Variants in ARRDC3 observed in about 807,000 individuals in gnomAD.
The protein encoded by ARRDC3 is arrestin domain containing 3.
In ARRDC3, 10 loss-of-function variants were observed where a neutral mutation model predicts 47.2. The observed-to-expected ratio is 0.21, with a 90% CI of 0.13 to 0.36. The LOEUF is 0.36. ARRDC3 is among the 10% of genes least tolerant of loss of function. The probability of loss-of-function intolerance (pLI) is 1.00; values close to 1 mark genes in which losing one functional copy is unlikely to be tolerated. For synonymous variants in ARRDC3, 156 were observed against 178.3 expected (o/e 0.87, Z 1.00); for missense variants, 381 against 503.6 (o/e 0.76, Z 2.33).
intron 1 of ARRDC3, 87 bp from the exon 2 acceptor site, chr5:91,378,862 A>T: frequency 1.3e-6 from 1 of 760,448 alleles, no homozygotes; most frequent in African/African-American, 1.8e-5. Context: ...AGATGCTTAC[A>T]TAACAATTAA....
At chr5:91,373,529 T>C (rs1799226411) in intron 7 of ARRDC3, among the ~76,000 whole-genome samples, 155 bp downstream of exon 7, 2 of 152,212 alleles carry the variant, frequency 1.3e-5, no homozygotes, top group Non-Finnish European at 2.9e-5. Flanking sequence ...TAGTAAATAT[T>C]GATGAACCTA....
chr5:91,374,409 T>C (rs1799251792), intron 5 of ARRDC3, 133 bp from the exon 6 acceptor site: 2 of 744,930 alleles, frequency 2.7e-6, no homozygotes, highest in Middle Eastern at 3.1e-4. Flanking sequence ...GAAAAGTTTC[T>C]CTTTTATGTA....
intron 1 of ARRDC3, chr5:91,380,327 G>T: frequency 6.5e-6 from 1 of 153,026 alleles, no homozygotes; most frequent in South Asian, 1.8e-4. Flanking sequence ...GGGGCGGGGC[G>T]AGCGAGCCGC....
intron 4 of ARRDC3, 73 bp downstream of exon 4, chr5:91,375,438 T>C (rs1009809411): frequency 7.2e-5 from 72 of 1,005,944 alleles, no homozygotes; most frequent in East Asian, 5.4e-4. Flanking sequence ...TTATATTTAG[T>C]AGTCATATTA....
In ARRDC3 at chr5:91,371,251, T is replaced by C. The variant is rs370211990; in HGVS notation, c.*149A>G. On this transcript the variant is annotated 3_prime_UTR_variant, in exon 8 of 8. Transcript: ENST00000265138. ...AATGTTGCTGTAGGCTTCTAAAGCA[T>C]GATCACTGGTTGTTTCATGTATTCG... 4.7e-6 allele frequency: 3 copies of C among 637,842 alleles called. No individual in the cohort carries two copies. Among genetic ancestry groups the C allele is most frequent in the African/African-American group, 3.7e-5 (2 of 54,656 alleles). The allele number at this position is 637,842 out of a possible 1,614,324, so 39.5% of individuals were successfully genotyped here.
Position 91,373,684 on chromosome 5 carries a change from C to T in ARRDC3, c.1188G>A (p.Glu396=), listed in dbSNP as rs138806357. The T allele has an allele frequency of 2.8e-5, 45 of 1,612,898 alleles. No individual in the cohort carries two copies. In the African/African-American group the frequency reaches 5.6e-4, roughly 20 times the overall value. ...FRFLPPPLYS[E]IDPNPDQSAD... ...TCATACTTAAGGAGTAGGTACTTAC[C>T]TCTGAATAAAGAGGTGGAGGCAAGA... is the stretch of plus-strand genomic sequence containing the variant. The change falls in exon 7 of 8, where the codon GAG becomes GAA. Residue 396 remains glutamate (E), a splice_region_variant and synonymous_variant. Transcript: ENST00000265138.
chr5:91,372,811 A>T (rs1366337994), intron 7 of ARRDC3, among the ~76,000 whole-genome samples: 1 of 152,186 alleles, frequency 6.6e-6, no homozygotes, highest in East Asian at 1.9e-4. Flanking sequence ...AATTACAGTA[A>T]CCAAAAGAAA....
At chr5:91,378,915 ATTCTAACTT>A (rs2127074208) in intron 1 of ARRDC3, 140 bp from the exon 2 acceptor site, 1 of 490,314 alleles carries the variant, frequency 2.0e-6, no homozygotes, top group African/African-American at 2.0e-5. Flanking sequence ...CTGAGTTCTA[ATTCTAACTT>A]CATCATTTCC....
chr5:91,378,878 C>G (rs1410584583), intron 1 of ARRDC3, 103 bp from the exon 2 acceptor site: 2 of 614,576 alleles, frequency 3.3e-6, no homozygotes. Context: ...ATTAAGACCA[C>G]AAAACAAGCT....
intron 3 of ARRDC3, 127 bp downstream of exon 3, chr5:91,376,494 A>G (rs932908099): frequency 9.4e-5 from 81 of 857,504 alleles, no homozygotes; most frequent in East Asian, 3.0e-4. Context: ...AAGAAAATGT[A>G]TATTTATGAA....
At chr5:91,377,877 A>G (rs1312495088) in intron 2 of ARRDC3, among the ~76,000 whole-genome samples, 1 of 152,100 alleles carries the variant, frequency 6.6e-6, no homozygotes, top group Non-Finnish European at 1.5e-5. Flanking sequence ...TATATATAAC[A>G]TCTCAAGCAC....
chr5:91,372,566 A>G (rs73183293), intron 7 of ARRDC3, among the ~76,000 whole-genome samples: 7,422 of 152,266 alleles, frequency 0.049, 558 homozygotes, highest in African/African-American at 0.17. Flanking sequence ...AAGTGGCAGA[A>G]CACTTTTAGC....
chr5:91,374,418 T>G (rs1403844288), intron 5 of ARRDC3, 142 bp from the exon 6 acceptor site: 2 of 681,422 alleles, frequency 2.9e-6, no homozygotes, highest in Non-Finnish European at 5.0e-6. Context: ...CTCTTTTATG[T>G]ATAATTCTGT....
chr5:91,373,083 T>G (rs1047414148), intron 7 of ARRDC3, among the ~76,000 whole-genome samples: 4 of 152,228 alleles, frequency 2.6e-5, no homozygotes, highest in Admixed American at 1.3e-4. Flanking sequence ...TCAAATGAGC[T>G]GTGCATTTTA....
At position 91,368,973 on chromosome 5, in the gene ARRDC3, A is replaced by C. The variant is rs1799104277; in HGVS notation, c.*2427T>G. The C allele has an allele frequency of 6.6e-6, 1 of 152,614 alleles. No homozygotes were observed. Among genetic ancestry groups the C allele is most frequent in the Non-Finnish European group, 1.5e-5 (1 of 68,020 alleles). 9.5% of individuals were successfully genotyped at this position (152,614 alleles called of 1,614,324 possible). A position where few individuals can be genotyped will look rare whatever the true frequency, so the allele number is the denominator to read the frequency against. Reference sequence around the variant, plus strand: ...ACTTTTCCTAATTGAAAAATCAGGAATCTATCTTGAATACTGGAATACAAC... The same window carrying C: ...ACTTTTCCTAATTGAAAAATCAGGACTCTATCTTGAATACTGGAATACAAC... On this transcript the variant is annotated 3_prime_UTR_variant, in exon 8 of 8. Coordinates refer to ENST00000265138, the MANE Select transcript of ARRDC3 (RefSeq NM_020801.4).
Position 91,376,601 on chromosome 5 carries a change from A to C in ARRDC3, c.510+20T>G. 6.3e-7 allele frequency: 1 copy of C among 1,580,426 alleles called. No homozygotes were observed. Among genetic ancestry groups the C allele is most frequent in the Middle Eastern group, 1.8e-4 (1 of 5,626 alleles). ...TTTATATGCCAAAAACAAAGAATAA[A>C]TAATTCAGTCAATTCTTACCAGTAA... On this transcript the variant is annotated intron_variant, in intron 3 of 7. Transcript: ENST00000265138.
intron 5 of ARRDC3, among the ~76,000 whole-genome samples, chr5:91,374,627 T>C (rs985150505): frequency 6.6e-6 from 1 of 151,948 alleles, no homozygotes; most frequent in Admixed American, 6.6e-5. Context: ...CTCATGCCTA[T>C]AATTCCAACA....
At chr5:91,377,878 T>C (rs2127072924) in intron 2 of ARRDC3, among the ~76,000 whole-genome samples, 1 of 152,216 alleles carries the variant, frequency 6.6e-6, no homozygotes, top group South Asian at 2.1e-4. Flanking sequence ...ATATATAACA[T>C]CTCAAGCACT....
intron 3 of ARRDC3, among the ~76,000 whole-genome samples, chr5:91,376,381 C>G (rs1043890791): frequency 1.3e-5 from 2 of 152,104 alleles, no homozygotes; most frequent in Non-Finnish European, 2.9e-5. Context: ...AGAGATACTT[C>G]ATATCATATA....
Sources: gnomAD v4.1 joint callset for allele counts (sites outside exome capture counted in the v4.1 genomes callset) on GRCh38, gnomAD v4.1.1 for gene constraint, MANE v1.5 for transcripts, NCBI Gene and HGNC (gene_info 2026-07-23, HGNC 2026-07-21) for gene names.